ACTN3: variants seen among roughly 807,000 people sequenced by gnomAD.
The protein encoded by ACTN3 is alpha-actinin-3.
Under a neutral mutation model 119.6 loss-of-function variants are expected in ACTN3, and 91 were observed. The ratio of observed to expected loss-of-function variants is 0.76; its 90% CI spans 0.64 to 0.91. ACTN3 has a LOEUF of 0.91. Among genes scored for constraint, ACTN3 ranks in the 40% least tolerant of loss-of-function variants. The pLI, the probability that ACTN3 is intolerant of heterozygous loss-of-function variation, is 0.00. For synonymous variants in ACTN3, 456 were observed against 478.8 expected (o/e 0.95, Z 0.62); for missense variants, 1,221 against 1,215.1 (o/e 1.00, Z -0.07).
In ACTN3 at chr11:66,554,131, G is replaced by A. The variant is rs1247165125; in HGVS notation, c.469G>A (p.Glu157Lys). The A allele has an allele frequency of 6.2e-7, 1 of 1,613,750 alleles. No individual in the cohort carries two copies. The highest frequency in any genetic ancestry group is 2.2e-5 in the East Asian group (1 of 44,848). Residue 157 changes from glutamate to lysine, a missense_variant and splice_region_variant, in exon 4 of 21, where the codon GAA (glutamate) becomes AAA (lysine). By Grantham distance (56) the Glu-to-Lys change is moderately conservative. Transcript: ENST00000513398. ...CGCCATCCAGGACATCTCTGTGGAA[G>A]GTGAGCAATGGGAAAGGAGGTTGGG... ...RFAIQDISVE[E>K]TSAKEGLLLW... is the part of the protein sequence containing the mutation.
rs555137575 is a variant in ACTN3 at position 66,561,450 on chromosome 11, C to A, written c.1996-8C>A. ...GGGAGCCCTCATGCTGCCTGGGAACCCCTGCAGGAAGTGGGGCGGCTGGCA... is the reference window on the plus strand; with the variant it reads ...GGGAGCCCTCATGCTGCCTGGGAACACCTGCAGGAAGTGGGGCGGCTGGCA... On this transcript the variant is annotated splice_polypyrimidine_tract_variant and splice_region_variant and intron_variant, in intron 16 of 20. Coordinates refer to ENST00000513398, the MANE Select transcript of ACTN3 (RefSeq NM_001104.4). 1 of 1,600,154 alleles carries A rather than the reference C, an allele frequency of 6.2e-7. No individual in the cohort carries two copies. Among genetic ancestry groups the A allele is most frequent in the East Asian group, 2.3e-5 (1 of 44,344 alleles).
chr11:66,557,183 A>G lies in ACTN3; in HGVS notation c.855A>G (p.Glu285=). The G allele has an allele frequency of 6.4e-7, 1 of 1,554,044 alleles. No homozygotes were observed. The highest frequency in any genetic ancestry group is 1.2e-5 in the South Asian group (1 of 84,112). Residue 285 remains glutamate, a synonymous_variant, in exon 9 of 21, where the codon GAA becomes GAG. Transcript: ENST00000513398. ...GCAAGGTGCTGGCAGTGAACCAGGA[A>G]AACGAGAAGCTGATGGAGGAGTATG... ...RICKVLAVNQ[E]NEKLMEEYEK...
At chr11:66,549,327 C>T (rs553117410) in intron 1 of ACTN3, among the ~76,000 whole-genome samples, 67 of 152,318 alleles carry the variant, frequency 4.4e-4, no homozygotes, top group East Asian at 2.9e-3. Flanking sequence ...GACCCTGATC[C>T]GCAGCGTCCC....
At position 66,550,216 on chromosome 11, in the gene ACTN3, G is replaced by A. The variant is rs974245023; in HGVS notation, c.148-1023G>A. Reference sequence around the variant, plus strand: ...GACCAAGCCCCGAAGAGGGAAAGGGGCTGACCCTAGATCACAGAGCATGAG... The same window carrying A: ...GACCAAGCCCCGAAGAGGGAAAGGGACTGACCCTAGATCACAGAGCATGAG... On this transcript the variant is annotated intron_variant, in intron 1 of 20. Coordinates refer to ENST00000513398, the MANE Select transcript of ACTN3 (RefSeq NM_001104.4). Among the ~76,000 whole-genome samples the A allele has an allele frequency of 2.6e-5, 4 of 152,188 alleles. No homozygotes were observed. In the South Asian group the frequency reaches 8.3e-4, roughly 32 times the overall value.
intron 3 of ACTN3, among the ~76,000 whole-genome samples, 184 bp from the exon 4 acceptor site, chr11:66,553,853 CAAAAAAAA>C (rs11448724): frequency 2.4e-5 from 2 of 81,776 alleles, no homozygotes; most frequent in East Asian, 3.7e-4. Flanking sequence ...GACTCCATCT[CAAAAAAAA>C]AAAAAAAAAA....
intron 4 of ACTN3, 141 bp from the exon 5 acceptor site, chr11:66,554,395 C>G (rs1387918078): frequency 4.4e-6 from 3 of 677,488 alleles, no homozygotes; most frequent in East Asian, 5.6e-5. Context: ...GAGGTTGAGG[C>G]TGCGGTGAGC....
chr11:66,555,134 A>G lies in ACTN3; in HGVS notation c.562A>G (p.Lys188Glu), dbSNP rs1857562954. ...CCCCCTCTTCTCTCTGTCCAGCTGG[A>G]AGGATGGCCTGGCCCTCTGTGCCCT... Reference protein sequence around the residue: ...VNVQNFHTSWKDGLALCALIH... With the variant: ...VNVQNFHTSWEDGLALCALIH... The change falls in exon 6 of 21, where the codon AAG (lysine) becomes GAG (glutamate). Residue 188 changes from lysine to glutamate, a missense_variant. Lys to Glu is a moderately conservative substitution (Grantham distance 56). Around this residue, in one of 3 missense-constraint regions of ACTN3, gnomAD observed 48 missense variants for 83.4 expected, o/e 0.58. Transcript: ENST00000513398. 6.2e-7 allele frequency: 1 copy of G among 1,613,824 alleles called. No individual in the cohort carries two copies. Among genetic ancestry groups the G allele is most frequent in the Non-Finnish European group, 8.5e-7 (1 of 1,179,932 alleles).
intron 4 of ACTN3, 78 bp from the exon 5 acceptor site, chr11:66,554,456 CAA>C (rs574346914): frequency 0.027 from 22,490 of 820,376 alleles, no homozygotes; most frequent in South Asian, 0.052. Flanking sequence ...GACCCTGTCT[CAA>C]AAAAAAAAAA....
Position 66,558,107 on chromosome 11 carries a change from G to A in ACTN3, c.1209G>A (p.Leu403=). The A allele has an allele frequency of 6.2e-7, 1 of 1,613,898 alleles. No individual in the cohort carries two copies. The highest frequency in any genetic ancestry group is 1.7e-5 in the Admixed American group (1 of 60,024). Residue 403 remains leucine, a synonymous_variant, in exon 11 of 21, where the codon CTG becomes CTA. Coordinates refer to ENST00000513398, the MANE Select transcript of ACTN3 (RefSeq NM_001104.4). ...GGCTGCTCTCGGAGATCCGGCGCCTGCAGCGACTCCAGCACCTGGCTGAGA... is the reference window on the plus strand; with the variant it reads ...GGCTGCTCTCGGAGATCCGGCGCCTACAGCGACTCCAGCACCTGGCTGAGA... ...EDWLLSEIRR[L]QRLQHLAEKF...
chr11:66,561,054 T>G, intron 15 of ACTN3, 173 bp from the exon 16 acceptor site: 2 of 440,108 alleles, frequency 4.5e-6, no homozygotes, highest in Non-Finnish European at 6.0e-6. Flanking sequence ...ATTTTGCAGA[T>G]GAGAAAACTG....
At position 66,557,817 on chromosome 11, in the gene ACTN3, C is replaced by T. The variant is rs919907864; in HGVS notation, c.1016C>T (p.Pro339Leu). The change falls in exon 10 of 21, where the codon CCG becomes CTG. Residue 339 changes from proline (P) to leucine (L), a missense_variant. Coordinates refer to ENST00000513398, the MANE Select transcript of ACTN3 (RefSeq NM_001104.4). ...DFRDYRRLHK[P>L]PRIQEKCQLE... ...CGGGACTACCGGCGTCTGCACAAGCCGCCCCGCATTCAGGAAAAGTGCCAG... is the reference window on the plus strand; with the variant it reads ...CGGGACTACCGGCGTCTGCACAAGCTGCCCCGCATTCAGGAAAAGTGCCAG... 21 of 1,613,998 alleles carry T rather than the reference C, an allele frequency of 1.3e-5. No homozygotes were observed. Among genetic ancestry groups the T allele is most frequent in the Non-Finnish European group, 1.4e-5 (17 of 1,180,002 alleles).
chr11:66,562,685 C>T, intron 19 of ACTN3, 111 bp from the exon 20 acceptor site: 1 of 1,266,330 alleles, frequency 7.9e-7, no homozygotes, highest in Non-Finnish European at 1.1e-6. Context: ...AGGGAACTCC[C>T]TTGTTACTGG....
chr11:66,562,707 C>A lies in ACTN3; in HGVS notation c.2389-89C>A, dbSNP rs1177641394. 7 of 1,420,128 alleles carry A rather than the reference C, an allele frequency of 4.9e-6. No homozygotes were observed. The Admixed American group carries it at 1.4e-4, about 28-fold the overall frequency. The allele number at this position is 1,420,128 out of a possible 1,614,324, so 88.0% of individuals were successfully genotyped here. On this transcript the variant is annotated intron_variant, in intron 19 of 20. Transcript: ENST00000513398. ...TCCCTTGTTACTGGGGCTCTGCTAG[C>A]TGAGGTTGGACAGTCCCCAGGAGGG...
rs746360442 is a variant in ACTN3 at position 66,562,159 on chromosome 11, C to G, written c.2313C>G (p.His771Gln). Residue 771 changes from histidine (H) to glutamine (Q), a missense_variant, in exon 18 of 21, where the codon CAC becomes CAG. Physicochemically the swap from His to Gln is conservative, Grantham distance 24 (BLOSUM62 0). Transcript: ENST00000513398. ...ACGAGTTCCGAGCATCCTTCAACCA[C>G]TTTGACAGGGTCAGCAGGGGCCTGG... is the stretch of plus-strand genomic sequence containing the variant. Reference protein sequence around the residue: ...QLNEFRASFNHFDRKQNGMME... With the variant: ...QLNEFRASFNQFDRKQNGMME... 6 of 1,614,046 alleles carry G rather than the reference C, an allele frequency of 3.7e-6. No homozygotes were observed. The South Asian group carries it at 6.6e-5, about 18-fold the overall frequency.
chr11:66,559,477 A>C, intron 12 of ACTN3, 91 bp downstream of exon 12: 2 of 1,276,102 alleles, frequency 1.6e-6, no homozygotes, highest in Non-Finnish European at 2.1e-6. Context: ...CCTTCTCAAG[A>C]CACTAGGCTC....
Position 66,551,363 on chromosome 11 carries a change from G to A in ACTN3, c.262+10G>A. On this transcript the variant is annotated intron_variant, in intron 2 of 20. Transcript: ENST00000513398. The stretch of plus-strand genomic sequence containing the variant: ...CTGGAGGTCATTTCAGGTGAGGATG[G>A]CAAATCAGTGCACCTGGGCCCCAGG... The A allele has an allele frequency of 6.3e-7, 1 of 1,593,018 alleles. No individual in the cohort carries two copies. The highest frequency in any genetic ancestry group is 8.6e-7 in the Non-Finnish European group (1 of 1,169,276).
chr11:66,558,319 CCT>C (rs1421165803), intron 11 of ACTN3, 145 bp downstream of exon 11: 2 of 1,231,836 alleles, frequency 1.6e-6, no homozygotes, highest in Non-Finnish European at 2.2e-6. Flanking sequence ...CTAGTCCCAC[CCT>C]GACTTGCTGT....
chr11:66,560,538 G>A, intron 14 of ACTN3, 35 bp from the exon 15 acceptor site: 1 of 1,584,286 alleles, frequency 6.3e-7, no homozygotes, highest in Non-Finnish European at 8.6e-7. Context: ...GTAAGTGGGG[G>A]ACACCAGCTG....
At chr11:66,557,541 T>G (rs1268398129) in intron 9 of ACTN3, among the ~76,000 whole-genome samples, 158 bp from the exon 10 acceptor site, 1 of 152,236 alleles carries the variant, frequency 6.6e-6, no homozygotes, top group Non-Finnish European at 1.5e-5. Flanking sequence ...ATCCCACTTC[T>G]TCTCTGACTT....
Sources: gnomAD v4.1 joint callset for allele counts (sites outside exome capture counted in the v4.1 genomes callset) on GRCh38, gnomAD v4.1.1 for gene constraint, gnomAD v4.1.1 regional missense constraint, MANE v1.5 for transcripts, NCBI Gene and HGNC (gene_info 2026-07-23, HGNC 2026-07-21) for gene names.